SALL1: variants seen among roughly 807,000 people sequenced by gnomAD.
SALL1 encodes sal-like protein 1.
In SALL1, 10 loss-of-function variants were observed where a neutral mutation model predicts 73.1. That is an observed-to-expected ratio of 0.14 (90% CI 0.08 to 0.23). The LOEUF is 0.23. SALL1 is among the 10% of genes least tolerant of loss of function. SALL1 has a pLI of 1.00. For synonymous variants in SALL1, 688 were observed against 689.8 expected, an observed-to-expected ratio of 1.00 and a Z score of 0.04; for missense variants, 1,520 against 1,697.3, an observed-to-expected ratio of 0.90 and a Z score of 1.84.
At chr16:51,145,979 C>CTTTTTTT (rs372735955) in intron 1 of SALL1, among the ~76,000 whole-genome samples, 12 of 128,900 alleles carry the variant, frequency 9.3e-5, no homozygotes, top group African/African-American at 1.7e-4. Context: ...ATTGATTGGT[C>CTTTTTTT]TTTTTTTTTT....
rs1555475414 is a variant in SALL1 at position 51,141,732 on chromosome 16, TGCCGCC to T, written c.484_489del (p.Gly162_Gly163del). On this transcript the variant is annotated inframe_deletion, in exon 2 of 3. Transcript: ENST00000251020. The surrounding 1 kb of genome is among the most constrained non-coding windows in gnomAD (Gnocchi z 5.4). ...ATCGCTGAGGTACCTGTGGAGGAGC[TGCCGCC>T]GCCGCCGCTGCTGCTGCTGCTGCTG... 6.2e-7 allele frequency: 1 copy of T among 1,610,342 alleles called. No individual in the cohort carries two copies. Among genetic ancestry groups the T allele is most frequent in the Non-Finnish European group, 8.5e-7 (1 of 1,178,426 alleles).
chr16:51,141,186 C>T lies in SALL1; in HGVS notation c.1036G>A (p.Ala346Thr). ...GSSPNMNILA[A>T]AVTTPSSEKV... is the part of the protein sequence containing the mutation. The stretch of plus-strand genomic sequence containing the variant: ...TCAGAGGACGGGGTGGTAACTGCCG[C>T]TGCCAATATGTTCATATTGGGAGAA... Residue 346 changes from alanine to threonine, a missense_variant, in exon 2 of 3, where the codon GCG becomes ACG. Physicochemically the swap from Ala to Thr is moderately conservative, Grantham distance 58. This residue lies in a region of SALL1 where 540 missense variants were observed against 567.5 expected (regional missense o/e 0.95). Coordinates refer to ENST00000251020, the MANE Select transcript of SALL1 (RefSeq NM_002968.3). This position sits in a 1 kb window ranked among gnomAD's most constrained non-coding sequence, Gnocchi z 5.4. 1 of 1,614,200 alleles carries T rather than the reference C, an allele frequency of 6.2e-7. No individual in the cohort carries two copies. The highest frequency in any genetic ancestry group is 8.5e-7 in the Non-Finnish European group (1 of 1,180,050).
chr16:51,140,926 A>T lies in SALL1; in HGVS notation c.1296T>A (p.Asn432Lys). Residue 432 changes from asparagine to lysine, a missense_variant, in exon 2 of 3, where the codon AAT (asparagine) becomes AAA (lysine). Physicochemically the swap from Asn to Lys is moderately conservative, Grantham distance 94 (BLOSUM62 0). This residue lies in a region of SALL1 where 540 missense variants were observed against 567.5 expected (regional missense o/e 0.95). Coordinates refer to ENST00000251020, the MANE Select transcript of SALL1 (RefSeq NM_002968.3). The surrounding 1 kb of genome is among the most constrained non-coding windows in gnomAD (Gnocchi z 5.7). ...LAQQRKSKPP[N>K]VTAFEAKSTS... is the part of the protein sequence containing the mutation. Reference sequence around the variant, plus strand: ...TACTTTTCGCTTCAAAGGCAGTGACATTTGGTGGCTTGCTTTTTCTTTGCT... The same window carrying T: ...TACTTTTCGCTTCAAAGGCAGTGACTTTTGGTGGCTTGCTTTTTCTTTGCT... 1 of 1,614,212 alleles carries T rather than the reference A, an allele frequency of 6.2e-7. No homozygotes were observed. Among genetic ancestry groups the T allele is most frequent in the Non-Finnish European group, 8.5e-7 (1 of 1,180,048 alleles).
rs1393091756 is a variant in SALL1, at chr16:51,139,625, A to G, written c.2597T>C (p.Leu866Ser). Residue 866 changes from leucine to serine, a missense_variant, in exon 2 of 3, where the codon TTG becomes TCG. Around this residue, in one of 7 missense-constraint regions of SALL1, gnomAD observed 266 missense variants for 275.1 expected, o/e 0.97. Coordinates refer to ENST00000251020, the MANE Select transcript of SALL1 (RefSeq NM_002968.3). ...LPLEMSSIAA[L>S]ENQMKMINAG... ...ATTGATCATCTTCATCTGATTTTCC[A>G]AAGCAGCGATGCTCGACATCTCGAG... The G allele has an allele frequency of 6.2e-7, 1 of 1,613,454 alleles. No homozygotes were observed. The highest frequency in any genetic ancestry group is 8.5e-7 in the Non-Finnish European group (1 of 1,179,504).
upstream of SALL1, chr16:51,151,341 CGCCCGCCG>C: frequency 1.3e-6 from 1 of 772,558 alleles, no homozygotes; most frequent in South Asian, 3.7e-5. Context: ...CGGCTCCCCC[CGCCCGCCG>C]GCCCGCCCGC....
At chr16:51,148,860 T>G (rs1324231664) in intron 1 of SALL1, among the ~76,000 whole-genome samples, 1 of 143,798 alleles carries the variant, frequency 7.0e-6, no homozygotes, top group Non-Finnish European at 1.5e-5. Flanking sequence ...AAAACAGTCA[T>G]AACCTAAAAC....
chr16:51,151,343 C>G, upstream of SALL1: 1 of 649,914 alleles, frequency 1.5e-6, no homozygotes, highest in Non-Finnish European at 2.2e-6. Context: ...GCTCCCCCCG[C>G]CCGCCGGCCC....
upstream of SALL1, among the ~76,000 whole-genome samples, chr16:51,151,908 G>C (rs570227325): frequency 1.1e-4 from 16 of 151,782 alleles, no homozygotes; most frequent in Admixed American, 9.2e-4. Flanking sequence ...CGGCCCGCGG[G>C]GGGAGGGAGT....
rs1962305540 is a variant in SALL1, at chr16:51,136,663, A to G, written c.*449T>C. The G allele has an allele frequency of 6.0e-6, 1 of 167,012 alleles. No individual in the cohort carries two copies. The highest frequency in any genetic ancestry group is 1.3e-5 in the Non-Finnish European group (1 of 76,576). The allele number at this position is 167,012 out of a possible 1,614,324, so 10.3% of individuals were successfully genotyped here. A position where few individuals can be genotyped will look rare whatever the true frequency, so the allele number is the denominator to read the frequency against. On this transcript the variant is annotated 3_prime_UTR_variant, in exon 3 of 3. Coordinates refer to ENST00000251020, the MANE Select transcript of SALL1 (RefSeq NM_002968.3). ...AATGTGTTTGCTGATAAAATTTTCC[A>G]GCAGGATCAAAGTGTACATGTATAT...
chr16:51,151,096 T>C, intron 1 of SALL1, 70 bp downstream of exon 1: 1 of 1,155,652 alleles, frequency 8.7e-7, no homozygotes, highest in South Asian at 2.0e-5. Flanking sequence ...CAGCCGCGTG[T>C]GAGTGGGTCC....
intron 2 of SALL1, 131 bp from the exon 3 acceptor site, chr16:51,137,683 G>A: frequency 1.5e-6 from 1 of 687,238 alleles, no homozygotes; most frequent in East Asian, 2.7e-5. Flanking sequence ...TGGCCTAAAT[G>A]TCTATTCTCA....
chr16:51,149,502 T>C (rs951470019), intron 1 of SALL1: 1 of 152,128 alleles, frequency 6.6e-6, no homozygotes, highest in Admixed American at 6.5e-5. Flanking sequence ...CTCACCTCCA[T>C]CTACCCCGCG....
At position 51,139,940 on chromosome 16, in the gene SALL1, G is replaced by C. The variant is rs767301795; in HGVS notation, c.2282C>G (p.Pro761Arg). ...THYSVHRAMPPLRVQHSCPIC... is the reference protein window; with the variant it reads ...THYSVHRAMPRLRVQHSCPIC... ...GGGGCAGGAATGCTGGACTCTGAGC[G>C]GGGGCATAGCACGATGGACACTGTA... The change falls in exon 2 of 3, where the codon CCG (proline) becomes CGG (arginine). Residue 761 changes from proline (P) to arginine (R), a missense_variant. Coordinates refer to ENST00000251020, the MANE Select transcript of SALL1 (RefSeq NM_002968.3). 5.6e-6 allele frequency: 9 copies of C among 1,614,068 alleles called. No individual in the cohort carries two copies. The highest frequency in any genetic ancestry group is 3.3e-5 in the South Asian group (3 of 91,088).
rs1394724487 is a variant in SALL1, at chr16:51,139,683, A to G, written c.2539T>C (p.Ser847Pro). Residue 847 changes from serine (S) to proline (P), a missense_variant, in exon 2 of 3, where the codon TCC becomes CCC. Transcript: ENST00000251020. ...IPDTPKSADA[S>P]QDSLSSSPLP... ...GGCGAAGAGGATAAGCTGTCTTGGGAGGCGTCTGCAGACTTAGGTGTATCA... is the reference window on the plus strand; with the variant it reads ...GGCGAAGAGGATAAGCTGTCTTGGGGGGCGTCTGCAGACTTAGGTGTATCA... 6.2e-7 allele frequency: 1 copy of G among 1,614,244 alleles called. No individual in the cohort carries two copies. Among genetic ancestry groups the G allele is most frequent in the Admixed American group, 1.7e-5 (1 of 60,034 alleles).
At position 51,138,683 on chromosome 16, in the gene SALL1, G is replaced by A. The variant is rs775713627; in HGVS notation, c.3534+5C>T. The A allele has an allele frequency of 6.8e-6, 11 of 1,609,984 alleles. No individual in the cohort carries two copies. The highest frequency in any genetic ancestry group is 1.3e-5 in the African/African-American group (1 of 74,888). On this transcript the variant is annotated splice_donor_5th_base_variant and intron_variant, in intron 2 of 2. Coordinates refer to ENST00000251020, the MANE Select transcript of SALL1 (RefSeq NM_002968.3). ...AGCAGGTATGGTGCAGAGAGAGCAAGGTACCTTAAGATTGCCTTTAGTCGT... is the reference window on the plus strand; with the variant it reads ...AGCAGGTATGGTGCAGAGAGAGCAAAGTACCTTAAGATTGCCTTTAGTCGT...
rs570139964 is a variant in SALL1, at chr16:51,136,922, C to A, written c.*190G>T. The A allele has an allele frequency of 3.3e-6, 2 of 612,168 alleles. No individual in the cohort carries two copies. Among genetic ancestry groups the A allele is most frequent in the South Asian group, 2.0e-5 (1 of 50,358 alleles). The allele number at this position is 612,168 out of a possible 1,614,324, so 37.9% of individuals were successfully genotyped here. Reference sequence around the variant, plus strand: ...TTCTGTTTGCAAAGCAAGGTTATATCGCTAATAAATAAGCTTTCTTAGAAC... The same window carrying A: ...TTCTGTTTGCAAAGCAAGGTTATATAGCTAATAAATAAGCTTTCTTAGAAC... On this transcript the variant is annotated 3_prime_UTR_variant, in exon 3 of 3. Coordinates refer to ENST00000251020, the MANE Select transcript of SALL1 (RefSeq NM_002968.3).
rs1198008873 is a variant in SALL1, at chr16:51,136,397, CTTG to C, written c.*712_*714del. On this transcript the variant is annotated 3_prime_UTR_variant, in exon 3 of 3. Transcript: ENST00000251020. ...CTCAGTTTCAACTACCAAAACAACG[CTTG>C]TTTTCTTTTTCTCTAAAGAATTCTG... 1 of 152,610 alleles carries C rather than the reference CTTG, an allele frequency of 6.6e-6. No individual in the cohort carries two copies. Among genetic ancestry groups the C allele is most frequent in the Non-Finnish European group, 1.5e-5 (1 of 68,036 alleles). 9.5% of individuals were successfully genotyped at this position (152,610 alleles called of 1,614,324 possible). A position where few individuals can be genotyped will look rare whatever the true frequency, so the allele number is the denominator to read the frequency against.
rs775808496 is a variant in SALL1 at position 51,139,360 on chromosome 16, G to A, written c.2862C>T (p.Ser954=). 1.5e-5 allele frequency: 24 copies of A among 1,613,992 alleles called. No homozygotes were observed. Among genetic ancestry groups the A allele is most frequent in the Middle Eastern group, 1.6e-4 (1 of 6,084 alleles). ...TGGGAGACAAACCATTGGCAAACTC[G>A]CTTGGGACCGCTCTCTGTGGTTTCT... ...IEEKPQRAVP[S]EFANGLSPTP... The change falls in exon 2 of 3, where the codon AGC becomes AGT. Residue 954 remains serine, a synonymous_variant. Transcript: ENST00000251020.
chr16:51,152,113 C>T (rs1962631969), upstream of SALL1: 1 of 152,132 alleles, frequency 6.6e-6, no homozygotes, highest in African/African-American at 2.4e-5. Context: ...GCTCCTCCGC[C>T]CCGAGTTCTC....
Sources: gnomAD v4.1 joint callset for allele counts (sites outside exome capture counted in the v4.1 genomes callset) on GRCh38, gnomAD v4.1.1 for gene constraint, gnomAD v4.1.1 regional missense constraint, Gnocchi (gnomAD v3.1) non-coding constraint, MANE v1.5 for transcripts, NCBI Gene and HGNC (gene_info 2026-07-23, HGNC 2026-07-21) for gene names.